MAN2A1: variants seen among roughly 807,000 people sequenced by gnomAD.
MAN2A1 encodes alpha-mannosidase 2.
In MAN2A1, 76 loss-of-function variants were observed where a neutral mutation model predicts 142.6. The observed-to-expected ratio is 0.53, with a 90% CI of 0.44 to 0.65. The LOEUF (loss-of-function observed/expected upper bound fraction) is 0.65. MAN2A1 is among the 30% of genes least tolerant of loss of function. MAN2A1 has a pLI of 0.00. For synonymous variants in MAN2A1, 559 were observed against 473.2 expected (o/e 1.18, Z -2.35); for missense variants, 1,311 against 1,365.1 (o/e 0.96, Z 0.62).
At chr5:109,831,010 A>C (rs1754892540) in intron 16 of MAN2A1, among the ~76,000 whole-genome samples, 1 of 152,218 alleles carries the variant, frequency 6.6e-6, no homozygotes, top group Non-Finnish European at 1.5e-5. Flanking sequence ...GGTGAAGGGC[A>C]CAGGGATGGG....
intron 8 of MAN2A1, among the ~76,000 whole-genome samples, chr5:109,779,738 T>TAGG (rs1228759241): frequency 6.6e-6 from 1 of 152,204 alleles, no homozygotes; most frequent in African/African-American, 2.4e-5. Flanking sequence ...GGTCCTATGA[T>TAGG]TGTTCCCATT....
chr5:109,865,002 C>T, intron 20 of MAN2A1, 34 bp from the exon 21 acceptor site: 1 of 1,391,070 alleles, frequency 7.2e-7, no homozygotes, highest in Middle Eastern at 1.8e-4. Flanking sequence ...GCTTTATTGT[C>T]TGCGCGGTGT....
At chr5:109,865,014 A>G in intron 20 of MAN2A1, 22 bp from the exon 21 acceptor site, 1 of 1,517,968 alleles carries the variant, frequency 6.6e-7, no homozygotes. Context: ...GCGCGGTGTG[A>G]CTGCATTCTG....
chr5:109,776,574 C>T (rs150699001), intron 8 of MAN2A1, among the ~76,000 whole-genome samples: 206 of 152,182 alleles, frequency 1.4e-3, no homozygotes, highest in African/African-American at 4.7e-3. Context: ...CCTATTTCAT[C>T]CTTTGCCTAC....
At chr5:109,711,782 C>G (rs1329138960) in intron 1 of MAN2A1, among the ~76,000 whole-genome samples, 2 of 152,168 alleles carry the variant, frequency 1.3e-5, no homozygotes, top group East Asian at 3.9e-4. Context: ...GGGACCTGTG[C>G]TAAAACTTTT....
intron 5 of MAN2A1, among the ~76,000 whole-genome samples, chr5:109,761,222 C>G (rs933838046): frequency 6.6e-6 from 1 of 151,214 alleles, no homozygotes; most frequent in Non-Finnish European, 1.5e-5. Flanking sequence ...AGTATTTAGA[C>G]TATATGTCTG....
chr5:109,844,771 A>T (rs949217834), intron 17 of MAN2A1, among the ~76,000 whole-genome samples: 1 of 152,116 alleles, frequency 6.6e-6, no homozygotes, highest in African/African-American at 2.4e-5. Context: ...CGTTCTCCCT[A>T]TGCCTCTTGT....
intron 8 of MAN2A1, among the ~76,000 whole-genome samples, chr5:109,775,309 GTTA>G (rs1352502265): frequency 6.6e-6 from 1 of 152,012 alleles, no homozygotes; most frequent in African/African-American, 2.4e-5. Context: ...TTGAAAGTCT[GTTA>G]TTTCTCTCTG....
At chr5:109,712,849 C>T (rs986182466) in intron 1 of MAN2A1, among the ~76,000 whole-genome samples, 8 of 152,120 alleles carry the variant, frequency 5.3e-5, no homozygotes, top group African/African-American at 1.9e-4. Context: ...AAGATTGTCC[C>T]TGCTCTCATA....
chr5:109,785,446 T>A (rs900218410), intron 10 of MAN2A1, among the ~76,000 whole-genome samples: 1 of 151,926 alleles, frequency 6.6e-6, no homozygotes, highest in African/African-American at 2.4e-5. Flanking sequence ...GTGGATGATA[T>A]AAGCCATTGG....
At chr5:109,812,041 GC>G (rs1754333193) in intron 12 of MAN2A1, among the ~76,000 whole-genome samples, 2 of 152,142 alleles carry the variant, frequency 1.3e-5, no homozygotes, top group African/African-American at 4.8e-5. Context: ...GTGATGATGT[GC>G]CAGGGTCCTT....
chr5:109,717,057 T>G (rs1751475750), intron 3 of MAN2A1, among the ~76,000 whole-genome samples: 1 of 150,136 alleles, frequency 6.7e-6, no homozygotes, highest in Non-Finnish European at 1.5e-5. Flanking sequence ...ATAATTTAGT[T>G]GCAGCATTTT....
chr5:109,843,535 T>C (rs1755268044), intron 17 of MAN2A1, among the ~76,000 whole-genome samples: 1 of 152,224 alleles, frequency 6.6e-6, no homozygotes, highest in Non-Finnish European at 1.5e-5. Flanking sequence ...GTTTAATGTA[T>C]GATCTAATAA....
chr5:109,856,255 G>A (rs1280813914), intron 20 of MAN2A1, among the ~76,000 whole-genome samples: 4 of 152,080 alleles, frequency 2.6e-5, no homozygotes, highest in Non-Finnish European at 4.4e-5. Context: ...AATAGCAATA[G>A]TATATTGTAC....
rs953859170 is a variant in MAN2A1 at position 109,817,454 on chromosome 5, A to G, written c.2109+16A>G. The G allele has an allele frequency of 2.5e-5, 41 of 1,612,898 alleles. No homozygotes were observed. The highest frequency in any genetic ancestry group is 3.2e-5 in the Non-Finnish European group (38 of 1,179,294). On this transcript the variant is annotated intron_variant, in intron 13 of 21. Transcript: ENST00000261483. ...AGCCTATGAGGTATGTTGTAGCCAT[A>G]GAACTTAAGGAGGCATTGTAAAACA...
rs900056284 is a variant in MAN2A1, at chr5:109,690,330, G to T, written c.-88G>T. 1.4e-6 allele frequency: 2 copies of T among 1,432,130 alleles called. No individual in the cohort carries two copies. Among genetic ancestry groups the T allele is most frequent in the Non-Finnish European group, 2.0e-6 (2 of 1,019,712 alleles). 88.7% of individuals were successfully genotyped at this position (1,432,130 alleles called of 1,614,324 possible). ...GGAGGTCGCGCAGCCCGGGAGAAGG[G>T]AGCCTCCGGCGGCTGCTTCCTAGAG... On this transcript the variant is annotated 5_prime_UTR_variant, in exon 1 of 22. Transcript: ENST00000261483.
intron 8 of MAN2A1, 123 bp from the exon 9 acceptor site, chr5:109,781,273 C>G (rs1004623026): frequency 5.3e-6 from 3 of 563,582 alleles, no homozygotes; most frequent in Non-Finnish European, 6.0e-6. Context: ...AAAATCTGAG[C>G]TATGTATTCA....
At chr5:109,734,654 G>A (rs1244420876) in intron 4 of MAN2A1, among the ~76,000 whole-genome samples, 8 of 152,286 alleles carry the variant, frequency 5.3e-5, no homozygotes, top group Admixed American at 2.0e-4. Context: ...GGAACAGGTT[G>A]TTCAGTTTCC....
intron 3 of MAN2A1, among the ~76,000 whole-genome samples, chr5:109,717,052 T>G (rs1751475669): frequency 6.6e-6 from 1 of 151,118 alleles, no homozygotes; most frequent in Non-Finnish European, 1.5e-5. Flanking sequence ...CACAGATAAT[T>G]TAGTTGCAGC....
Sources: gnomAD v4.1 joint callset for allele counts (sites outside exome capture counted in the v4.1 genomes callset) on GRCh38, gnomAD v4.1.1 for gene constraint, MANE v1.5 for transcripts, NCBI Gene and HGNC (gene_info 2026-07-23, HGNC 2026-07-21) for gene names.